Variants in GUCY1B1 observed in about 807,000 individuals in gnomAD.
GUCY1B1 encodes the protein guanylate cyclase soluble subunit beta-1.
In GUCY1B1, 43 loss-of-function variants were observed where a neutral mutation model predicts 71.0. The ratio of observed to expected loss-of-function variants is 0.61; its 90% CI spans 0.47 to 0.78. The LOEUF is 0.78. Ranked by LOEUF, GUCY1B1 falls within the 30% of genes least tolerant of loss-of-function variation. The pLI, the probability that GUCY1B1 is intolerant of heterozygous loss-of-function variation, is 0.00. For synonymous variants in GUCY1B1, 266 were observed against 259.7 expected (o/e 1.02, Z -0.23); for missense variants, 535 against 754.1 (o/e 0.71, Z 3.40).
chr4:155,769,584 G>T (rs543937833), intron 2 of GUCY1B1, among the ~76,000 whole-genome samples: 2 of 152,234 alleles, frequency 1.3e-5, no homozygotes, highest in East Asian at 1.9e-4. Flanking sequence ...ATAGTAGTAA[G>T]CAGCAACAGA....
intron 9 of GUCY1B1, among the ~76,000 whole-genome samples, chr4:155,800,741 G>A (rs1373138695): frequency 1.3e-5 from 2 of 152,122 alleles, no homozygotes; most frequent in African/African-American, 4.8e-5. Context: ...ATACTACTTG[G>A]CCTTGCTTTC....
Position 155,772,766 on chromosome 4 carries a change from G to A in GUCY1B1, c.78-2202G>A, listed in dbSNP as rs576016908. 41 of 702,358 alleles carry A rather than the reference G, an allele frequency of 5.8e-5. No individual in the cohort carries two copies. The Middle Eastern group carries it at 9.2e-4, about 16-fold the overall frequency. The allele number at this position is 702,358 out of a possible 1,614,324, so 43.5% of individuals were successfully genotyped here. ...TTATGTGCTTTATGTGATTTGCTCC[G>A]GTTCATTTAGCTGGTAAAGCCTGGG... On this transcript the variant is annotated intron_variant, in intron 2 of 13. Transcript: ENST00000264424.
Position 155,805,224 on chromosome 4 carries a change from A to C in GUCY1B1, c.1831A>C (p.Thr611Pro). Residue 611 changes from threonine to proline, a missense_variant, in exon 13 of 14, where the codon ACA becomes CCA. Thr to Pro is a conservative substitution (Grantham distance 38). Transcript: ENST00000264424. ...GTTTCTATCCAGAAAAAATACAGGA[A>C]CAGAGGTATGACTAATCAAAGTGTA... ...VWFLSRKNTG[T>P]EETKQDDD 2 of 1,608,710 alleles carry C rather than the reference A, an allele frequency of 1.2e-6. No homozygotes were observed. The highest frequency in any genetic ancestry group is 8.5e-7 in the Non-Finnish European group (1 of 1,176,876).
At chr4:155,792,990 C>T (rs1307046124) in intron 5 of GUCY1B1, among the ~76,000 whole-genome samples, 2 of 152,102 alleles carry the variant, frequency 1.3e-5, no homozygotes, top group African/African-American at 4.8e-5. Context: ...GTCAATTTAT[C>T]CTTCAGAAAG....
intron 2 of GUCY1B1, among the ~76,000 whole-genome samples, chr4:155,774,061 T>C (rs1191313650): frequency 6.6e-6 from 1 of 152,128 alleles, no homozygotes; most frequent in Non-Finnish European, 1.5e-5. Context: ...ACCCCTTTAG[T>C]CTATTTTCAA....
intron 2 of GUCY1B1, among the ~76,000 whole-genome samples, chr4:155,760,848 T>A (rs942959841): frequency 3.3e-5 from 5 of 152,216 alleles, no homozygotes; most frequent in Non-Finnish European, 7.3e-5. Flanking sequence ...TTTCCTGTAC[T>A]TAGTGATTTC....
At chr4:155,767,520 G>A (rs1166250363) in intron 2 of GUCY1B1, among the ~76,000 whole-genome samples, 1 of 152,132 alleles carries the variant, frequency 6.6e-6, no homozygotes, top group African/African-American at 2.4e-5. Context: ...ATGCAATTAT[G>A]TATCAAGACT....
chr4:155,778,937 A>T (rs376203230), intron 4 of GUCY1B1, among the ~76,000 whole-genome samples: 2 of 152,112 alleles, frequency 1.3e-5, no homozygotes, highest in South Asian at 4.2e-4. Context: ...TGTTTACATA[A>T]CAAAACAAAG....
Position 155,802,306 on chromosome 4 carries a change from T to A in GUCY1B1, c.1176-36T>A. ...GAAGCACTAAAGGCTTTCCCAGTAT[T>A]TCTTACAGTGGCTTTCTGCTGATCC... is the stretch of plus-strand genomic sequence containing the variant. On this transcript the variant is annotated intron_variant, in intron 9 of 13. Transcript: ENST00000264424. This position sits in a 1 kb window ranked among gnomAD's most constrained non-coding sequence, Gnocchi z 4.3. 1 of 1,612,814 alleles carries A rather than the reference T, an allele frequency of 6.2e-7. No homozygotes were observed. The highest frequency in any genetic ancestry group is 1.3e-5 in the African/African-American group (1 of 75,026).
intron 4 of GUCY1B1, chr4:155,785,231 AT>A (rs1561017148): frequency 1.1e-6 from 1 of 934,250 alleles, no homozygotes; most frequent in Non-Finnish European, 1.7e-6. Context: ...TACTCTCTAT[AT>A]TTTTCCTGTT....
chr4:155,771,127 C>T (rs1373865557), intron 2 of GUCY1B1, among the ~76,000 whole-genome samples: 1 of 152,116 alleles, frequency 6.6e-6, no homozygotes, highest in African/African-American at 2.4e-5. Flanking sequence ...AGGGTAGCCC[C>T]ACATTCCCAA....
Position 155,793,954 on chromosome 4 carries a change from T to C in GUCY1B1, c.594T>C (p.Phe198=), listed in dbSNP as rs375366966. 9.2e-5 allele frequency: 147 copies of C among 1,601,448 alleles called. No individual in the cohort carries two copies. The highest frequency in any genetic ancestry group is 1.8e-5 in the Non-Finnish European group (21 of 1,168,608). ...EEDFYEDLDR[F]EENGTQESRI... ...ATTTTTATGAAGATCTTGACAGATT[T>C]GAAGAAAATGGTACCCAGGAATCAC... Residue 198 remains phenylalanine, a synonymous_variant, in exon 6 of 14, where the codon TTT becomes TTC. Coordinates refer to ENST00000264424, the MANE Select transcript of GUCY1B1 (RefSeq NM_000857.5).
intron 2 of GUCY1B1, 22 bp downstream of exon 2, chr4:155,759,882 C>G: frequency 6.3e-7 from 1 of 1,592,494 alleles, no homozygotes; most frequent in Non-Finnish European, 8.6e-7. Context: ...GCTACCCTGG[C>G]TGTGGCCCAG....
chr4:155,780,653 G>A (rs1262623216), intron 4 of GUCY1B1, among the ~76,000 whole-genome samples: 1 of 152,130 alleles, frequency 6.6e-6, no homozygotes, highest in Non-Finnish European at 1.5e-5. Flanking sequence ...TTGTGCAAAA[G>A]CAGAAAACAC....
Position 155,793,918 on chromosome 4 carries a change from A to G in GUCY1B1, c.558A>G (p.Ser186=), listed in dbSNP as rs1379440317. 1.3e-6 allele frequency: 2 copies of G among 1,595,934 alleles called. No individual in the cohort carries two copies. The highest frequency in any genetic ancestry group is 1.7e-4 in the Middle Eastern group (1 of 6,020). Residue 186 remains serine (S), a synonymous_variant, in exon 6 of 14, where the codon TCA becomes TCG. Transcript: ENST00000264424. The part of the protein sequence containing the change: ...HTQFLIEEKE[S]KEEDFYEDLD... ...AATTTTTAATTGAAGAAAAAGAGTC[A>G]AAAGAAGAGGATTTTTATGAAGATC...
intron 2 of GUCY1B1, among the ~76,000 whole-genome samples, chr4:155,772,357 A>G (rs1471052806): frequency 6.6e-6 from 1 of 152,176 alleles, no homozygotes; most frequent in African/African-American, 2.4e-5. Flanking sequence ...TACTGTTGTG[A>G]AAGGTGAATT....
Position 155,802,399 on chromosome 4 carries a change from A to G in GUCY1B1, c.1233A>G (p.Pro411=), listed in dbSNP as rs774272285. 1 of 1,613,480 alleles carries G rather than the reference A, an allele frequency of 6.2e-7. No individual in the cohort carries two copies. Among genetic ancestry groups the G allele is most frequent in the African/African-American group, 1.3e-5 (1 of 74,912 alleles). The change falls in exon 10 of 14, where the codon CCA becomes CCG. Residue 411 remains proline (P), a synonymous_variant. Transcript: ENST00000264424. This position sits in a 1 kb window ranked among gnomAD's most constrained non-coding sequence, Gnocchi z 4.3. The part of the protein sequence containing the change: ...SVANELRHKR[P]VPAKRYDNVT... ...CCAATGAGCTGCGGCACAAGCGTCC[A>G]GTGCCTGCCAAAAGATATGACAATG...
At chr4:155,764,110 G>A (rs977712673) in intron 2 of GUCY1B1, among the ~76,000 whole-genome samples, 2 of 151,920 alleles carry the variant, frequency 1.3e-5, no homozygotes, top group Non-Finnish European at 2.9e-5. Context: ...TTGTATCAAA[G>A]CAAATTAAAA....
intron 4 of GUCY1B1, chr4:155,785,234 T>A: frequency 2.1e-6 from 2 of 962,648 alleles, no homozygotes; most frequent in Non-Finnish European, 3.2e-6. Flanking sequence ...TCTCTATATT[T>A]TTCCTGTTTT....
Sources: gnomAD v4.1 joint callset for allele counts (sites outside exome capture counted in the v4.1 genomes callset) on GRCh38, gnomAD v4.1.1 for gene constraint, Gnocchi (gnomAD v3.1) non-coding constraint, MANE v1.5 for transcripts, NCBI Gene and HGNC (gene_info 2026-07-23, HGNC 2026-07-21) for gene names.